The following EPHA5 variants were observed in gnomAD, a reference collection of about 807,000 sequenced individuals.
The protein encoded by EPHA5 is ephrin type-A receptor 5.
A neutral mutation model predicts 105.0 loss-of-function variants in EPHA5; 60 were observed. The ratio of observed to expected loss-of-function variants is 0.57; its 90% CI spans 0.46 to 0.71. The LOEUF (loss-of-function observed/expected upper bound fraction) is 0.71, where lower values mean the gene tolerates loss of function less well. EPHA5 is among the 30% of genes least tolerant of loss of function. The pLI is 0.00. For synonymous variants in EPHA5, 513 were observed against 449.1 expected (o/e 1.14, Z -1.80); for missense variants, 1,218 against 1,274.7 (o/e 0.96, Z 0.68).
intron 2 of EPHA5, among the ~76,000 whole-genome samples, chr4:65,610,792 A>C (rs1050883546): frequency 1.3e-5 from 2 of 152,150 alleles, no homozygotes; most frequent in African/African-American, 4.8e-5. Context: ...CATGAGTTAT[A>C]ATTTTAAAAG....
intron 11 of EPHA5, among the ~76,000 whole-genome samples, chr4:65,359,198 T>A (rs960069198): frequency 2.6e-5 from 4 of 151,626 alleles, no homozygotes; most frequent in African/African-American, 9.7e-5. Flanking sequence ...CTCTCATTTT[T>A]AGTGTACGTG....
intron 5 of EPHA5, among the ~76,000 whole-genome samples, chr4:65,457,839 T>C (rs918644855): frequency 7.2e-5 from 11 of 152,034 alleles, no homozygotes; most frequent in Admixed American, 2.0e-4. Flanking sequence ...GTATGCTACT[T>C]AGATTTATTT....
At chr4:65,445,327 A>T (rs2149094637) in intron 5 of EPHA5, among the ~76,000 whole-genome samples, 1 of 152,278 alleles carries the variant, frequency 6.6e-6, no homozygotes, top group East Asian at 1.9e-4. Flanking sequence ...AACTGATTGA[A>T]CAAAAATATT....
At chr4:65,331,709 A>T in intron 16 of EPHA5, 1 of 1,179,196 alleles carries the variant, frequency 8.5e-7, no homozygotes, top group Non-Finnish European at 1.0e-6. Flanking sequence ...AACACAAAAC[A>T]CCAGTATTTT....
At chr4:65,598,993 G>A (rs1020503799) in intron 3 of EPHA5, among the ~76,000 whole-genome samples, 1 of 152,008 alleles carries the variant, frequency 6.6e-6, no homozygotes, top group African/African-American at 2.4e-5. Flanking sequence ...TAGGATGGAT[G>A]TGTGAAACAA....
intron 2 of EPHA5, among the ~76,000 whole-genome samples, chr4:65,628,683 T>A (rs888388959): frequency 3.9e-5 from 6 of 152,174 alleles, no homozygotes; most frequent in African/African-American, 1.4e-4. Flanking sequence ...GAAGTTTGTT[T>A]AATGAAGTGA....
At chr4:65,572,909 T>C (rs2149378605) in intron 3 of EPHA5, among the ~76,000 whole-genome samples, 1 of 151,910 alleles carries the variant, frequency 6.6e-6, no homozygotes, top group East Asian at 2.0e-4. Context: ...TGCACGCCTG[T>C]ATTATCAGCT....
In EPHA5 at chr4:65,346,087, T is replaced by TTA. The variant is rs201742965; in HGVS notation, c.2595+1966_2595+1967insTA. Among the ~76,000 whole-genome samples, 274 of 151,114 alleles carry TTA rather than the reference T, an allele frequency of 1.8e-3. 2 individuals are homozygous for TTA. Among genetic ancestry groups the TTA allele is most frequent in the Non-Finnish European group, 2.7e-3 (181 of 67,662 alleles). Reference sequence around the variant, plus strand: ...CCGTGCCTCTTCTTTTCTCTCTCTTTTTTTTTTTTCTAATTTGTAGTTCTT... The same window carrying TTA: ...CCGTGCCTCTTCTTTTCTCTCTCTTTTATTTTTTTTTCTAATTTGTAGTTCTT... On this transcript the variant is annotated intron_variant, in intron 14 of 16. Transcript: ENST00000613740.
rs1233347178 is a variant in EPHA5 at position 65,540,000 on chromosome 4, C to CA, written c.911-44458dup. ...AGGCATTCATTTGGTTTGAAATTTA[C>CA]AAAAAATAGGCAGTTATGTACCATG... On this transcript the variant is annotated intron_variant, in intron 3 of 16. Transcript: ENST00000613740. Among the ~76,000 whole-genome samples, 4 of 151,414 alleles carry CA rather than the reference C, an allele frequency of 2.6e-5. No individual in the cohort carries two copies. In the South Asian group the frequency reaches 8.3e-4, roughly 31 times the overall value.
chr4:65,476,188 T>C (rs1053320606), intron 5 of EPHA5, among the ~76,000 whole-genome samples: 9 of 150,248 alleles, frequency 6.0e-5, no homozygotes, highest in African/African-American at 2.2e-4. Flanking sequence ...GGCCCCTACA[T>C]TGTATATACT....
chr4:65,422,304 AT>A (rs1159904133), intron 5 of EPHA5, among the ~76,000 whole-genome samples: 2 of 152,070 alleles, frequency 1.3e-5, no homozygotes, highest in African/African-American at 4.8e-5. Flanking sequence ...CATAATGATG[AT>A]GCACAAATTG....
intron 5 of EPHA5, among the ~76,000 whole-genome samples, chr4:65,446,883 A>G (rs953421611): frequency 8.5e-5 from 13 of 152,192 alleles, no homozygotes; most frequent in Non-Finnish European, 1.5e-5. Context: ...GCCATATTAA[A>G]GAGTTTGAAT....
intron 4 of EPHA5, among the ~76,000 whole-genome samples, chr4:65,492,988 G>GTGT (rs1553925711): frequency 1.6e-4 from 24 of 149,108 alleles, no homozygotes; most frequent in African/African-American, 5.2e-4. Flanking sequence ...GTTTTGTTTT[G>GTGT]TTTTGTTTTT....
chr4:65,348,815 A>ATATATATATAT (rs71657404), intron 13 of EPHA5, among the ~76,000 whole-genome samples: 5 of 64,110 alleles, frequency 7.8e-5, no homozygotes, highest in African/African-American at 3.1e-4. Flanking sequence ...ATATATATAT[A>ATATATATATAT]TTTTTTTTTT....
chr4:65,658,538 C>T (rs1299943956), intron 1 of EPHA5, among the ~76,000 whole-genome samples: 1 of 152,000 alleles, frequency 6.6e-6, no homozygotes, highest in Admixed American at 6.6e-5. Flanking sequence ...GAGTGCCAAC[C>T]CACACTGTTT....
chr4:65,341,313 TG>T (rs1721695959), intron 14 of EPHA5, among the ~76,000 whole-genome samples: 1 of 152,104 alleles, frequency 6.6e-6, no homozygotes, highest in Non-Finnish European at 1.5e-5. Context: ...AGCTAGGAAG[TG>T]GGGGTGGCAG....
chr4:65,590,429 A>T (rs1427917309), intron 3 of EPHA5, among the ~76,000 whole-genome samples: 1 of 152,132 alleles, frequency 6.6e-6, no homozygotes, highest in African/African-American at 2.4e-5. Flanking sequence ...TGTAATGAAA[A>T]CCAGTTATGA....
At chr4:65,500,110 A>C (rs1407957480) in intron 3 of EPHA5, among the ~76,000 whole-genome samples, 3 of 151,520 alleles carry the variant, frequency 2.0e-5, no homozygotes, top group Non-Finnish European at 4.4e-5. Context: ...TATTTAAGAA[A>C]TAATTATCTA....
intron 2 of EPHA5, among the ~76,000 whole-genome samples, chr4:65,631,034 A>G (rs1746581197): frequency 6.6e-6 from 1 of 152,124 alleles, no homozygotes; most frequent in African/African-American, 2.4e-5. Context: ...GATCAATTTT[A>G]TTATTGAGCA....
Sources: gnomAD v4.1 joint callset for allele counts (sites outside exome capture counted in the v4.1 genomes callset) on GRCh38, gnomAD v4.1.1 for gene constraint, MANE v1.5 for transcripts, NCBI Gene and HGNC (gene_info 2026-07-23, HGNC 2026-07-21) for gene names.